The following KCNH4 variants were observed in gnomAD, a reference collection of about 807,000 sequenced individuals.
The protein encoded by KCNH4 is potassium voltage-gated channel subfamily H member 4.
Under a neutral mutation model 90.7 loss-of-function variants are expected in KCNH4, and 33 were observed. The observed-to-expected ratio is 0.36, with a 90% CI of 0.28 to 0.49. The LOEUF (loss-of-function observed/expected upper bound fraction) is 0.49. Ranked by LOEUF, KCNH4 falls within the 20% of genes least tolerant of loss-of-function variation. The pLI, the probability that KCNH4 is intolerant of heterozygous loss-of-function variation, is 0.98. For synonymous variants in KCNH4, 551 were observed against 581.7 expected (o/e 0.95, Z 0.76); for missense variants, 1,044 against 1,387.1 (o/e 0.75, Z 3.93).
intron 6 of KCNH4, among the ~76,000 whole-genome samples, chr17:42,172,407 C>T (rs2079833230): frequency 6.6e-6 from 1 of 151,748 alleles, no homozygotes; most frequent in Non-Finnish European, 1.5e-5. Context: ...CTCCTGACCC[C>T]GTGATCCACC....
intron 9 of KCNH4, among the ~76,000 whole-genome samples, chr17:42,166,953 A>C (rs943030206): frequency 1.3e-5 from 2 of 152,018 alleles, no homozygotes; most frequent in African/African-American, 4.8e-5. Flanking sequence ...CAGTCTGTAA[A>C]ATGCAGAGTT....
chr17:42,179,064 G>A (rs1729014589), intron 1 of KCNH4, 38 bp from the exon 2 acceptor site: 1 of 1,525,798 alleles, frequency 6.6e-7, no homozygotes, highest in African/African-American at 1.4e-5. Context: ...TCAAGGCTGG[G>A]AGGCGAGCTA....
Position 42,166,499 on chromosome 17 carries a change from G to A in KCNH4, c.1638C>T (p.His546=), listed in dbSNP as rs769862529. The A allele has an allele frequency of 6.2e-7, 1 of 1,613,972 alleles. No homozygotes were observed. The highest frequency in any genetic ancestry group is 8.5e-7 in the Non-Finnish European group (1 of 1,179,860). ...PDELRADIAM[H]LNREILQLPL... is the part of the protein sequence containing the mutation. ...GCAGCTGCAGGATCTCCCGATTCAG[G>A]TGCATAGCAATGTCAGCTCTCAGCT... The change falls in exon 10 of 17, where the codon CAC becomes CAT. Residue 546 remains histidine, a synonymous_variant. Transcript: ENST00000264661.
chr17:42,159,052 CAG>C (rs1434267018), intron 16 of KCNH4, among the ~76,000 whole-genome samples: 1 of 151,586 alleles, frequency 6.6e-6, no homozygotes, highest in African/African-American at 2.4e-5. Context: ...TATTTTGAGA[CAG>C]AGTCTCACTG....
Position 42,178,323 on chromosome 17 carries a change from G to T in KCNH4, c.457+8C>A. On this transcript the variant is annotated splice_region_variant and intron_variant, in intron 3 of 16. Coordinates refer to ENST00000264661, the MANE Select transcript of KCNH4 (RefSeq NM_012285.3). ...CCATTCACACTGCCCGTCCGGACTTGCTGTTACCGTGATTACTGTCCCCGC... is the reference window on the plus strand; with the variant it reads ...CCATTCACACTGCCCGTCCGGACTTTCTGTTACCGTGATTACTGTCCCCGC... The T allele has an allele frequency of 6.2e-7, 1 of 1,614,200 alleles. No homozygotes were observed. The highest frequency in any genetic ancestry group is 8.5e-7 in the Non-Finnish European group (1 of 1,180,014).
rs2079830443 is a variant in KCNH4, at chr17:42,171,964, C to T, written c.1019G>A (p.Arg340Gln). 4.3e-6 allele frequency: 7 copies of T among 1,610,014 alleles called. No individual in the cohort carries two copies. Among genetic ancestry groups the T allele is most frequent in the Middle Eastern group, 1.8e-4 (1 of 5,512 alleles). Residue 340 changes from arginine to glutamine, a missense_variant, in exon 7 of 17, where the codon CGG becomes CAG. This residue lies in a region of KCNH4 where 318 missense variants were observed against 479.6 expected (regional missense o/e 0.66). Transcript: ENST00000264661. ...CAGCAGCCGCAGCAGCCGCAACAGCCGCACTGTCTTCAGTAGGTGCACCAG... is the reference window on the plus strand; with the variant it reads ...CAGCAGCCGCAGCAGCCGCAACAGCTGCACTGTCTTCAGTAGGTGCACCAG... ...TSLVHLLKTV[R>Q]LLRLLRLLQK...
At chr17:42,173,693 CTTTTTTTTTTTT>C (rs532100884) in intron 6 of KCNH4, among the ~76,000 whole-genome samples, 9 of 66,272 alleles carry the variant, frequency 1.4e-4, no homozygotes, top group East Asian at 5.8e-4. Context: ...CGATCTGGTT[CTTTTTTTTTTTT>C]TTTTTTTTTT....
At chr17:42,159,431 T>C (rs1303464742) in intron 16 of KCNH4, among the ~76,000 whole-genome samples, 2 of 152,058 alleles carry the variant, frequency 1.3e-5, no homozygotes, top group Non-Finnish European at 2.9e-5. Flanking sequence ...GTGTGGGCTG[T>C]GGGATGAGGT....
At chr17:42,160,536 A>G in intron 15 of KCNH4, 101 bp from the exon 16 acceptor site, 1 of 1,254,970 alleles carries the variant, frequency 8.0e-7, no homozygotes. Context: ...CTTTCTGCTC[A>G]TGGCCACCCT....
chr17:42,169,372 G>T, intron 9 of KCNH4, 105 bp downstream of exon 9: 1 of 1,102,288 alleles, frequency 9.1e-7, no homozygotes, highest in South Asian at 1.4e-5. Context: ...GAGCAGCCGA[G>T]TTCGGCCTGC....
intron 9 of KCNH4, among the ~76,000 whole-genome samples, chr17:42,166,914 G>A (rs538494679): frequency 2.6e-5 from 4 of 152,264 alleles, no homozygotes; most frequent in South Asian, 2.1e-4. Flanking sequence ...ATTTCCGCTC[G>A]CTGGGCCTCA....
At chr17:42,179,655 A>T (rs1218894610) in intron 1 of KCNH4, among the ~76,000 whole-genome samples, 1 of 152,216 alleles carries the variant, frequency 6.6e-6, no homozygotes, top group East Asian at 1.9e-4. Flanking sequence ...AAAGGCAGAG[A>T]TTATCCAAAC....
Position 42,160,036 on chromosome 17 carries a change from A to G in KCNH4, c.*4T>C. On this transcript the variant is annotated 3_prime_UTR_variant, in exon 16 of 17. Transcript: ENST00000264661. ...CCCAGACAGGCCTGGGCCCTGGGCCAGGGTCAGTGGAACGTGTCTGACCTG... is the reference window on the plus strand; with the variant it reads ...CCCAGACAGGCCTGGGCCCTGGGCCGGGGTCAGTGGAACGTGTCTGACCTG... 1.3e-6 allele frequency: 2 copies of G among 1,512,496 alleles called. No homozygotes were observed. The highest frequency in any genetic ancestry group is 1.8e-6 in the Non-Finnish European group (2 of 1,129,300). 93.7% of individuals were successfully genotyped at this position (1,512,496 alleles called of 1,614,324 possible).
At chr17:42,158,099 T>G (rs568576244) in intron 16 of KCNH4, among the ~76,000 whole-genome samples, 1 of 151,902 alleles carries the variant, frequency 6.6e-6, no homozygotes, top group South Asian at 2.1e-4. Flanking sequence ...AGCTAATGTT[T>G]GTATTTTTAG....
chr17:42,174,141 A>G (rs117054361), intron 6 of KCNH4, among the ~76,000 whole-genome samples: 3,236 of 152,180 alleles, frequency 0.021, 76 homozygotes, highest in Non-Finnish European at 0.031. Flanking sequence ...GTGTTTTAGT[A>G]GAGAAGGGGT....
chr17:42,163,210 TC>T lies in KCNH4; in HGVS notation c.2584+17del. 6.5e-7 allele frequency: 1 copy of T among 1,541,198 alleles called. No homozygotes were observed. Among genetic ancestry groups the T allele is most frequent in the Non-Finnish European group, 9.0e-7 (1 of 1,113,534 alleles). ...GGGCAGATGGATGACGGGGTTGAAGTCCACTGTTGGCCCTTACCTGTAGGGG... is the reference window on the plus strand; with the variant it reads ...GGGCAGATGGATGACGGGGTTGAAGTCACTGTTGGCCCTTACCTGTAGGGG... On this transcript the variant is annotated intron_variant, in intron 14 of 16. Transcript: ENST00000264661. This position sits in a 1 kb window ranked among gnomAD's most constrained non-coding sequence, Gnocchi z 5.4.
At chr17:42,178,283 G>A (rs1313765700) in intron 3 of KCNH4, 48 bp downstream of exon 3, 10 of 1,614,140 alleles carry the variant, frequency 6.2e-6, no homozygotes, top group Non-Finnish European at 8.5e-6. Flanking sequence ...CGGCTGGTTA[G>A]GCGAAGGCTT....
intron 4 of KCNH4, among the ~76,000 whole-genome samples, chr17:42,176,526 T>TC (rs2079863297): frequency 7.6e-6 from 1 of 131,158 alleles, no homozygotes; most frequent in Non-Finnish European, 1.6e-5. Context: ...TTTTTTTTTT[T>TC]TTTTTTTTTT....
In KCNH4 at chr17:42,160,335, C is replaced by A; in HGVS notation, c.2759G>T (p.Gly920Val). The A allele has an allele frequency of 6.2e-7, 1 of 1,614,128 alleles. No homozygotes were observed. Among genetic ancestry groups the A allele is most frequent in the Non-Finnish European group, 8.5e-7 (1 of 1,180,018 alleles). Reference sequence around the variant, plus strand: ...AGGAGGGTCTGGGGTCCAAGCGGAGCCTGCTGGGTGGCCTGGGGGACCCAG... The same window carrying A: ...AGGAGGGTCTGGGGTCCAAGCGGAGACTGCTGGGTGGCCTGGGGGACCCAG... ...ARLGPPGHPA[G>V]SAWTPDPPCP... Residue 920 changes from glycine (G) to valine (V), a missense_variant, in exon 16 of 17, where the codon GGC (glycine) becomes GTC (valine). By Grantham distance (109) the Gly-to-Val change is moderately radical. Around this residue, in one of 4 missense-constraint regions of KCNH4, gnomAD observed 441 missense variants for 512.3 expected, o/e 0.86. Transcript: ENST00000264661.
Sources: gnomAD v4.1 joint callset for allele counts (sites outside exome capture counted in the v4.1 genomes callset) on GRCh38, gnomAD v4.1.1 for gene constraint, gnomAD v4.1.1 regional missense constraint, Gnocchi (gnomAD v3.1) non-coding constraint, MANE v1.5 for transcripts, NCBI Gene and HGNC (gene_info 2026-07-23, HGNC 2026-07-21) for gene names.